The following TBC1D22A variants were observed in gnomAD, a reference collection of about 807,000 sequenced individuals.
TBC1D22A encodes the protein putative GTPase activator.
Under a neutral mutation model 60.2 loss-of-function variants are expected in TBC1D22A, and 38 were observed. The observed-to-expected ratio is 0.63, with a 90% CI of 0.49 to 0.83. The LOEUF (loss-of-function observed/expected upper bound fraction) is 0.83. Ranked by LOEUF, TBC1D22A falls within the 40% of genes least tolerant of loss-of-function variation. The pLI, the probability that TBC1D22A is intolerant of heterozygous loss-of-function variation, is 0.00. For synonymous variants in TBC1D22A, 302 were observed against 281.7 expected (o/e 1.07, Z -0.72); for missense variants, 628 against 701.0 (o/e 0.90, Z 1.18).
chr22:47,141,482 C>T (rs1339863662), intron 12 of TBC1D22A, among the ~76,000 whole-genome samples: 1 of 152,212 alleles, frequency 6.6e-6, no homozygotes, highest in Non-Finnish European at 1.5e-5. Context: ...GGCAGTTGTC[C>T]CCAGATCAGA....
At chr22:47,159,023 C>CACACACACACCATGTAT (rs1003451869) in intron 12 of TBC1D22A, among the ~76,000 whole-genome samples, 2 of 137,898 alleles carry the variant, frequency 1.5e-5, no homozygotes, top group Non-Finnish European at 1.5e-5. Flanking sequence ...CATATATACA[C>CACACACACACCATGTAT]ACACACACAC....
intron 11 of TBC1D22A, among the ~76,000 whole-genome samples, chr22:47,041,088 G>A (rs2062828817): frequency 6.6e-6 from 1 of 152,194 alleles, no homozygotes; most frequent in African/African-American, 2.4e-5. Context: ...GTGACTTGAT[G>A]CTTTTTTTCT....
Position 47,050,067 on chromosome 22 carries a change from C to T in TBC1D22A, c.1329+12869C>T, listed in dbSNP as rs559873374. Among the ~76,000 whole-genome samples the T allele has an allele frequency of 6.6e-5, 10 of 151,714 alleles. No individual in the cohort carries two copies. The South Asian group carries it at 8.3e-4, about 13-fold the overall frequency. On this transcript the variant is annotated intron_variant, in intron 11 of 12. Transcript: ENST00000337137. ...TCCCCCAGGCTTGAGTGCAGTGGCTCGATCTCAGCCCACTGCAACCTCTGC... is the reference window on the plus strand; with the variant it reads ...TCCCCCAGGCTTGAGTGCAGTGGCTTGATCTCAGCCCACTGCAACCTCTGC...
chr22:47,077,184 G>A lies in TBC1D22A; in HGVS notation c.1330-34324G>A, dbSNP rs111466282. ...AGAAGGGGAGAAAGAGTATTTGGTC[G>A]GAAGCTGGCAGACTTGGCCACATCA... On this transcript the variant is annotated intron_variant, in intron 11 of 12. Transcript: ENST00000337137. Among the ~76,000 whole-genome samples the A allele has an allele frequency of 5.2e-3, 798 of 152,260 alleles. 11 individuals are homozygous for A. The highest frequency in any genetic ancestry group is 0.018 in the African/African-American group (760 of 41,546).
intron 11 of TBC1D22A, among the ~76,000 whole-genome samples, chr22:47,054,058 G>T (rs1038746122): frequency 6.6e-6 from 1 of 152,192 alleles, no homozygotes; most frequent in Non-Finnish European, 1.5e-5. Flanking sequence ...TTCCCTCCCT[G>T]AGCAATGGCC....
chr22:46,899,625 ATTGT>A (rs2068873665), intron 7 of TBC1D22A, among the ~76,000 whole-genome samples: 3 of 152,266 alleles, frequency 2.0e-5, no homozygotes, highest in African/African-American at 7.2e-5. Flanking sequence ...TTGTCAGCAC[ATTGT>A]TTGTTCCTCT....
intron 10 of TBC1D22A, among the ~76,000 whole-genome samples, chr22:47,034,479 T>G (rs131956): frequency 8.8e-6 from 1 of 114,130 alleles, no homozygotes; most frequent in Non-Finnish European, 1.9e-5. Flanking sequence ...GTGGTGATGA[T>G]GAAGAGGAGG....
At chr22:46,946,280 A>T (rs930649381) in intron 8 of TBC1D22A, among the ~76,000 whole-genome samples, 1 of 152,218 alleles carries the variant, frequency 6.6e-6, no homozygotes, top group Non-Finnish European at 1.5e-5. Flanking sequence ...CCTTGGCTGC[A>T]CAGAGGATGC....
chr22:46,909,295 TACACAC>T (rs142551402), intron 7 of TBC1D22A, among the ~76,000 whole-genome samples: 2 of 150,610 alleles, frequency 1.3e-5, no homozygotes, highest in East Asian at 2.0e-4. Flanking sequence ...CCTATACACA[TACACAC>T]ACACACACAC....
intron 12 of TBC1D22A, among the ~76,000 whole-genome samples, chr22:47,143,940 C>G (rs576557145): frequency 1.3e-5 from 2 of 152,330 alleles, no homozygotes; most frequent in South Asian, 4.1e-4. Flanking sequence ...TTCTTCTGCT[C>G]CAGCATCCTG....
intron 6 of TBC1D22A, among the ~76,000 whole-genome samples, chr22:46,893,704 A>C (rs960608194): frequency 3.9e-5 from 6 of 152,212 alleles, no homozygotes; most frequent in Admixed American, 1.3e-4. Flanking sequence ...GGGCTCCTGC[A>C]TGGGGCCAGC....
intron 7 of TBC1D22A, among the ~76,000 whole-genome samples, chr22:46,904,152 TA>T (rs2069264324): frequency 8.7e-6 from 1 of 114,756 alleles, no homozygotes; most frequent in Non-Finnish European, 1.9e-5. Flanking sequence ...TCTACCTACC[TA>T]CCTACCTACC....
chr22:46,912,008 T>G (rs2069963498), intron 7 of TBC1D22A, 66 bp from the exon 8 acceptor site: 2 of 1,018,212 alleles, frequency 2.0e-6, no homozygotes, highest in Non-Finnish European at 3.1e-6. Flanking sequence ...AGTAATAGAA[T>G]GCTTTCATTT....
At chr22:46,784,189 G>A (rs1182077303) in intron 1 of TBC1D22A, among the ~76,000 whole-genome samples, 1 of 152,058 alleles carries the variant, frequency 6.6e-6, no homozygotes, top group African/African-American at 2.4e-5. Flanking sequence ...GGGGCTCCAG[G>A]TACATGCCAC....
chr22:46,782,519 G>A (rs973010747), intron 1 of TBC1D22A, among the ~76,000 whole-genome samples: 2 of 152,048 alleles, frequency 1.3e-5, no homozygotes, highest in African/African-American at 4.8e-5. Flanking sequence ...CACACCGTTC[G>A]CCCATTTAAA....
intron 8 of TBC1D22A, among the ~76,000 whole-genome samples, chr22:46,946,797 C>T (rs556036267): frequency 2.6e-5 from 4 of 152,308 alleles, no homozygotes; most frequent in African/African-American, 4.8e-5. Context: ...TTCAGACCAG[C>T]GTGCTTGACT....
intron 7 of TBC1D22A, 93 bp downstream of exon 7, chr22:46,894,939 A>T: frequency 7.1e-7 from 1 of 1,407,436 alleles, no homozygotes. Context: ...GAGGTGCTTC[A>T]CCCAGAAGCA....
rs2062333980 is a variant in TBC1D22A at position 47,028,371 on chromosome 22, G to A, written c.1202-8700G>A. On this transcript the variant is annotated intron_variant, in intron 10 of 12. Coordinates refer to ENST00000337137, the MANE Select transcript of TBC1D22A (RefSeq NM_014346.5). This position sits in a 1 kb window ranked among gnomAD's most constrained non-coding sequence, Gnocchi z 4.4. ...CCCACGGCCCAGGTTCTGAGAGTGA[G>A]TGGTCGCATTCCTGTCCCTCGGTCC... is the stretch of plus-strand genomic sequence containing the variant. Among the ~76,000 whole-genome samples, 1 of 144,582 alleles carries A rather than the reference G, an allele frequency of 6.9e-6. No homozygotes were observed. The highest frequency in any genetic ancestry group is 1.5e-5 in the Non-Finnish European group (1 of 66,286). The allele number at this position is 144,582 out of a possible 152,430, so 94.9% of individuals were successfully genotyped here.
At chr22:46,945,292 G>A (rs1011736148) in intron 8 of TBC1D22A, among the ~76,000 whole-genome samples, 3 of 152,192 alleles carry the variant, frequency 2.0e-5, no homozygotes, top group African/African-American at 4.8e-5. Context: ...TTCATTCAGC[G>A]CTTATTGCTG....
Sources: allele counts gnomAD v4.1 joint callset (sites outside exome capture counted in the v4.1 genomes callset), GRCh38; gene constraint gnomAD v4.1.1; non-coding constraint Gnocchi (gnomAD v3.1); transcripts MANE v1.5; gene names NCBI Gene and HGNC (gene_info 2026-07-23, HGNC 2026-07-21).